Variants in CNTNAP2 observed in about 807,000 individuals in gnomAD.
The protein encoded by CNTNAP2 is contactin associated protein 2.
In CNTNAP2, 98 loss-of-function variants were observed where a neutral mutation model predicts 155.2. That is an observed-to-expected ratio of 0.63 (90% CI 0.54 to 0.75). The LOEUF (loss-of-function observed/expected upper bound fraction) is 0.75. Among genes scored for constraint, CNTNAP2 ranks in the 30% least tolerant of loss-of-function variants. The probability of loss-of-function intolerance (pLI) is 0.00; values close to 1 mark genes in which losing one functional copy is unlikely to be tolerated. For synonymous variants in CNTNAP2, 651 were observed against 631.2 expected, an observed-to-expected ratio of 1.03 and a Z score of -0.47; for missense variants, 1,727 against 1,688.1, an observed-to-expected ratio of 1.02 and a Z score of -0.40.
chr7:146,443,350 G>A (rs924013532), intron 1 of CNTNAP2, among the ~76,000 whole-genome samples: 3 of 152,054 alleles, frequency 2.0e-5, no homozygotes, highest in African/African-American at 7.3e-5. Context: ...AAGTTAAATG[G>A]TAATTGCATA....
chr7:147,759,610 AGAT>A, intron 13 of CNTNAP2, among the ~76,000 whole-genome samples: 1 of 152,334 alleles, frequency 6.6e-6, no homozygotes, highest in South Asian at 2.1e-4. Flanking sequence ...CAAAGGATGC[AGAT>A]GATGATAAAG....
chr7:147,935,786 C>A (rs1453431644), intron 14 of CNTNAP2, among the ~76,000 whole-genome samples: 1 of 152,196 alleles, frequency 6.6e-6, no homozygotes, highest in African/African-American at 2.4e-5. Context: ...AAAAAATTAA[C>A]TATACTGCCT....
At chr7:146,777,632 C>T (rs1802413320) in intron 2 of CNTNAP2, among the ~76,000 whole-genome samples, 1 of 151,442 alleles carries the variant, frequency 6.6e-6, no homozygotes, top group Admixed American at 6.6e-5. Flanking sequence ...GGCATGATCT[C>T]AGCTCACTAC....
At chr7:148,318,626 A>C (rs1256187959) in intron 21 of CNTNAP2, among the ~76,000 whole-genome samples, 2 of 152,222 alleles carry the variant, frequency 1.3e-5, no homozygotes, top group African/African-American at 4.8e-5. Flanking sequence ...CAAATTAGGC[A>C]TGCTTTTAAC....
chr7:147,994,369 CAAA>C (rs71527864), intron 15 of CNTNAP2, among the ~76,000 whole-genome samples: 6 of 132,308 alleles, frequency 4.5e-5, no homozygotes, highest in Non-Finnish European at 5.0e-5. Flanking sequence ...AGACCTGTCT[CAAA>C]AAAAAAAAAA....
chr7:146,883,629 G>A (rs1795597735), intron 3 of CNTNAP2, among the ~76,000 whole-genome samples: 1 of 152,066 alleles, frequency 6.6e-6, no homozygotes, highest in Non-Finnish European at 1.5e-5. Context: ...AAATGCATAA[G>A]TACATACAGC....
intron 3 of CNTNAP2, among the ~76,000 whole-genome samples, chr7:147,029,758 G>A (rs554475971): frequency 6.4e-4 from 97 of 152,204 alleles, no homozygotes; most frequent in African/African-American, 2.1e-3. Context: ...ATTACATTTA[G>A]TATTAGAATT....
chr7:146,506,284 C>T (rs76997674), intron 1 of CNTNAP2, among the ~76,000 whole-genome samples: 9,818 of 152,260 alleles, frequency 0.064, 780 homozygotes, highest in African/African-American at 0.19. Flanking sequence ...CAAGAGCATC[C>T]ACCCTACTGT....
intron 12 of CNTNAP2, among the ~76,000 whole-genome samples, chr7:147,634,067 G>A (rs941717290): frequency 6.6e-6 from 1 of 152,160 alleles, no homozygotes; most frequent in African/African-American, 2.4e-5. Context: ...AGAACTAAAG[G>A]TAGAGCTACC....
chr7:146,240,161 A>G (rs1799536806), intron 1 of CNTNAP2, among the ~76,000 whole-genome samples: 1 of 152,200 alleles, frequency 6.6e-6, no homozygotes, highest in Non-Finnish European at 1.5e-5. Context: ...TTTGGCTTCC[A>G]TGAAGCTCCT....
At chr7:146,915,521 C>T (rs1180012118) in intron 3 of CNTNAP2, among the ~76,000 whole-genome samples, 1 of 152,048 alleles carries the variant, frequency 6.6e-6, no homozygotes, top group Non-Finnish European at 1.5e-5. Context: ...TTGTAGAAGT[C>T]TTTCACCTCC....
intron 1 of CNTNAP2, among the ~76,000 whole-genome samples, chr7:146,357,113 T>C (rs1163381455): frequency 6.6e-6 from 1 of 151,884 alleles, no homozygotes; most frequent in African/African-American, 2.4e-5. Flanking sequence ...CAGGCTCAGG[T>C]TGGGAGAGAA....
In CNTNAP2 at chr7:147,792,304, C is replaced by T. The variant is rs574085272; in HGVS notation, c.2099-111261C>T. Reference sequence around the variant, plus strand: ...TCAATTTTAGAATCGTTTCAGTAACCGAAAAGAAACCCCATACCCATGAAT... The same window carrying T: ...TCAATTTTAGAATCGTTTCAGTAACTGAAAAGAAACCCCATACCCATGAAT... On this transcript the variant is annotated intron_variant, in intron 13 of 23. Transcript: ENST00000361727. Among the ~76,000 whole-genome samples the T allele has an allele frequency of 3.9e-5, 6 of 152,142 alleles. No individual in the cohort carries two copies. The East Asian group carries it at 9.7e-4, about 25-fold the overall frequency.
chr7:147,731,676 C>T (rs1396994227), intron 13 of CNTNAP2, among the ~76,000 whole-genome samples: 2 of 152,024 alleles, frequency 1.3e-5, no homozygotes, highest in South Asian at 2.1e-4. Context: ...TTAAGAAATA[C>T]AATTCATAGG....
chr7:146,960,316 T>A (rs550521529), intron 3 of CNTNAP2, among the ~76,000 whole-genome samples: 1 of 152,356 alleles, frequency 6.6e-6, no homozygotes, highest in South Asian at 2.1e-4. Flanking sequence ...TGAGAATGTT[T>A]CTATTTTCTC....
intron 8 of CNTNAP2, among the ~76,000 whole-genome samples, chr7:147,290,683 CAAAAAAA>C (rs71182191): frequency 0.32 from 23,780 of 73,284 alleles, 2,364 homozygotes; most frequent in Non-Finnish European, 0.37. Context: ...ACTCCATCTC[CAAAAAAA>C]AAAAAAAAAA....
intron 10 of CNTNAP2, among the ~76,000 whole-genome samples, chr7:147,444,885 C>A (rs552090169): frequency 1.3e-5 from 2 of 152,204 alleles, no homozygotes; most frequent in South Asian, 4.1e-4. Flanking sequence ...ACAGGCTGTA[C>A]AGGAAGCATA....
chr7:146,155,955 C>T (rs534531697), intron 1 of CNTNAP2, among the ~76,000 whole-genome samples: 47 of 152,076 alleles, frequency 3.1e-4, no homozygotes, highest in Non-Finnish European at 5.9e-4. Context: ...CCTCCCACCT[C>T]GGCCTCCCAA....
intron 3 of CNTNAP2, among the ~76,000 whole-genome samples, chr7:146,843,855 A>T (rs554104988): frequency 6.6e-6 from 1 of 152,240 alleles, no homozygotes; most frequent in South Asian, 2.1e-4. Flanking sequence ...GATATAGAGA[A>T]GATTGGATGG....
Sources: gnomAD v4.1 joint callset for allele counts (sites outside exome capture counted in the v4.1 genomes callset) on GRCh38, gnomAD v4.1.1 for gene constraint, MANE v1.5 for transcripts, NCBI Gene and HGNC (gene_info 2026-07-23, HGNC 2026-07-21) for gene names.